The following ADGRB2 variants were observed in gnomAD, a reference collection of about 807,000 sequenced individuals.
ADGRB2 encodes the protein adhesion G protein-coupled receptor B2.
In ADGRB2, 47 loss-of-function variants were observed where a neutral mutation model predicts 178.7. The observed-to-expected ratio is 0.26, with a 90% CI of 0.21 to 0.34. The LOEUF (loss-of-function observed/expected upper bound fraction) is 0.34, where lower values mean the gene tolerates loss of function less well. Among genes scored for constraint, ADGRB2 ranks in the 10% least tolerant of loss-of-function variants. The pLI is 1.00. For synonymous variants in ADGRB2, 870 were observed against 912.4 expected, an observed-to-expected ratio of 0.95 and a Z score of 0.84; for missense variants, 1,584 against 2,180.8, an observed-to-expected ratio of 0.73 and a Z score of 5.45.
Position 31,756,883 on chromosome 1 carries a change from G to T in ADGRB2, c.22-68C>A. On this transcript the variant is annotated intron_variant, in intron 3 of 32. Transcript: ENST00000373658. This position sits in a 1 kb window ranked among gnomAD's most constrained non-coding sequence, Gnocchi z 8.5. ...GCATGGGCTCTGAACCTTCTATGGT[G>T]AGCTGCGGGAGTGGGCCTCATAAGT... 7.2e-7 allele frequency: 1 copy of T among 1,391,200 alleles called. No individual in the cohort carries two copies. Among genetic ancestry groups the T allele is most frequent in the Non-Finnish European group, 9.6e-7 (1 of 1,046,914 alleles). The allele number at this position is 1,391,200 out of a possible 1,614,324, so 86.2% of individuals were successfully genotyped here.
intron 1 of ADGRB2, 82 bp from the exon 2 acceptor site, chr1:31,757,593 T>G: frequency 3.9e-6 from 1 of 258,858 alleles, no homozygotes; most frequent in Non-Finnish European, 7.5e-6. Context: ...TGCTGGTGGG[T>G]GACCCTCATG....
chr1:31,763,329 G>A (rs575643563), intron 1 of ADGRB2, among the ~76,000 whole-genome samples: 2 of 150,622 alleles, frequency 1.3e-5, no homozygotes, highest in East Asian at 3.9e-4. Flanking sequence ...CAGAAATAGA[G>A]AAGAAGCATG....
Position 31,764,060 on chromosome 1 carries a change from CA to C in ADGRB2, c.-368del. The C allele has an allele frequency of 1.8e-5, 16 of 867,496 alleles. No homozygotes were observed. Among genetic ancestry groups the C allele is most frequent in the Non-Finnish European group, 2.2e-5 (16 of 733,534 alleles). The allele number at this position is 867,496 out of a possible 1,614,324, so 53.7% of individuals were successfully genotyped here. On this transcript the variant is annotated 5_prime_UTR_variant, in exon 1 of 33. Transcript: ENST00000373658. This position sits in a 1 kb window ranked among gnomAD's most constrained non-coding sequence, Gnocchi z 7.3. ...CGGGTGCAGAAAAGGCGCCGCGGAG[CA>C]GCGCGGGGCGGGCGGGCGGGCGGCG...
intron 4 of ADGRB2, among the ~76,000 whole-genome samples, chr1:31,751,240 G>A (rs1646554747): frequency 6.6e-6 from 1 of 152,218 alleles, no homozygotes; most frequent in Admixed American, 6.5e-5. Context: ...CCTCCTGAGA[G>A]CTTCCCCAAA....
rs545190186 is a variant in ADGRB2 at position 31,738,543 on chromosome 1, C to G, written c.2645+44G>C. On this transcript the variant is annotated intron_variant, in intron 17 of 32. Transcript: ENST00000373658. Reference sequence around the variant, plus strand: ...GGAGACCCCTTTCTGGCAAAGGGCCCTAGGGCTGCTCCCTTCCTCACCCAG... The same window carrying G: ...GGAGACCCCTTTCTGGCAAAGGGCCGTAGGGCTGCTCCCTTCCTCACCCAG... 7.6e-6 allele frequency: 12 copies of G among 1,582,884 alleles called. No individual in the cohort carries two copies. The South Asian group carries it at 1.0e-4, about 14-fold the overall frequency.
In ADGRB2 at chr1:31,756,725, T is replaced by TG; in HGVS notation, c.111dup (p.Ser38GlnfsTer36). On this transcript the variant is annotated frameshift_variant, in exon 4 of 33. Transcript: ENST00000373658. LOFTEE classifies it high-confidence loss of function. The surrounding 1 kb of genome is among the most constrained non-coding windows in gnomAD (Gnocchi z 8.5). ...CCCGAGGCCAGGGCAGAGCAGGCAC[T>TG]GGGGGCGGGGTCGAAGGCGGTGGCC... 1 of 1,590,412 alleles carries TG rather than the reference T, an allele frequency of 6.3e-7. No individual in the cohort carries two copies. Among genetic ancestry groups the TG allele is most frequent in the Non-Finnish European group, 8.6e-7 (1 of 1,169,204 alleles).
Position 31,738,264 on chromosome 1 carries a change from T to A in ADGRB2, c.2708A>T (p.His903Leu), listed in dbSNP as rs1434660933. The A allele has an allele frequency of 6.2e-7, 1 of 1,613,812 alleles. No individual in the cohort carries two copies. Residue 903 changes from histidine to leucine, a missense_variant, in exon 18 of 33, where the codon CAC (histidine) becomes CTC (leucine). Physicochemically the swap from His to Leu is moderately conservative, Grantham distance 99. Around this residue, in one of 3 missense-constraint regions of ADGRB2, gnomAD observed 865 missense variants for 1,192.8 expected, o/e 0.73. Transcript: ENST00000373658. ...CAGGTGCTGGCACTGGCAGCGGGTG[T>A]GAGCTGCCTGGGTCTCCAGGGTCTG... ...NCQTLETQAA[H>L]TRCQCQHLST...
Position 31,733,182 on chromosome 1 carries a change from C to A in ADGRB2, c.3453-39G>T, listed in dbSNP as rs377465340. The A allele has an allele frequency of 1.3e-6, 2 of 1,547,814 alleles. No homozygotes were observed. The highest frequency in any genetic ancestry group is 2.4e-5 in the South Asian group (2 of 83,782). ...GGCAGAGCCCATCAGAGTGACACTC[C>A]GGGGGACAGGATGGCTTGAGCCTAG... is the stretch of plus-strand genomic sequence containing the variant. On this transcript the variant is annotated intron_variant, in intron 25 of 32. Transcript: ENST00000373658. This position sits in a 1 kb window ranked among gnomAD's most constrained non-coding sequence, Gnocchi z 4.3.
chr1:31,736,739 A>G lies in ADGRB2; in HGVS notation c.2980-16T>C, dbSNP rs1645625742. ...TGCACACGCCCTGCAGGGAGAGGGA[A>G]TGGGAGGGAGTGGCCCTGAGCAGCC... On this transcript the variant is annotated splice_polypyrimidine_tract_variant and intron_variant, in intron 20 of 32. Coordinates refer to ENST00000373658, the MANE Select transcript of ADGRB2 (RefSeq NM_001364857.2). 1 of 1,611,488 alleles carries G rather than the reference A, an allele frequency of 6.2e-7. No homozygotes were observed. The highest frequency in any genetic ancestry group is 1.3e-5 in the African/African-American group (1 of 74,832).
In ADGRB2 at chr1:31,744,241, C is replaced by G; in HGVS notation, c.1039G>C (p.Gly347Arg). The G allele has an allele frequency of 6.5e-7, 1 of 1,548,902 alleles. No individual in the cohort carries two copies. The highest frequency in any genetic ancestry group is 8.7e-7 in the Non-Finnish European group (1 of 1,145,540). The part of the protein sequence containing the change: ...VSSPYGTLCS[G>R]PLRETRPCNN... ...CAGGGCCTGGTCTCCCGCAGGGGCCCGCTGCACAGGGTCCCATAGGGGGAG... is the reference window on the plus strand; with the variant it reads ...CAGGGCCTGGTCTCCCGCAGGGGCCGGCTGCACAGGGTCCCATAGGGGGAG... Residue 347 changes from glycine (G) to arginine (R), a missense_variant, in exon 6 of 33, where the codon GGG becomes CGG. By Grantham distance (125) the Gly-to-Arg change is moderately radical (BLOSUM62 -2). This residue lies in a region of ADGRB2 where 657 missense variants were observed against 847.6 expected (regional missense o/e 0.78). Transcript: ENST00000373658. This position sits in a 1 kb window ranked among gnomAD's most constrained non-coding sequence, Gnocchi z 6.7.
At chr1:31,747,899 C>T (rs1646358786) in intron 4 of ADGRB2, among the ~76,000 whole-genome samples, 1 of 152,246 alleles carries the variant, frequency 6.6e-6, no homozygotes, top group East Asian at 1.9e-4. Context: ...ACCACTAAGA[C>T]AGGCTCAAAG....
Position 31,741,137 on chromosome 1 carries a change from G to A in ADGRB2, c.1794+236C>T, listed in dbSNP as rs1396186160. On this transcript the variant is annotated intron_variant, in intron 11 of 32. Transcript: ENST00000373658. This position sits in a 1 kb window ranked among gnomAD's most constrained non-coding sequence, Gnocchi z 6.5. ...ACACTTGGATGAGCACCTAATGACTGAGGAGCTCATTCTGCAGGAGCGCAG... is the reference window on the plus strand; with the variant it reads ...ACACTTGGATGAGCACCTAATGACTAAGGAGCTCATTCTGCAGGAGCGCAG... Among the ~76,000 whole-genome samples the A allele has an allele frequency of 6.6e-6, 1 of 152,170 alleles. No homozygotes were observed. Among genetic ancestry groups the A allele is most frequent in the Non-Finnish European group, 1.5e-5 (1 of 68,028 alleles).
chr1:31,740,189 A>G lies in ADGRB2; in HGVS notation c.1990-11T>C. On this transcript the variant is annotated splice_polypyrimidine_tract_variant and intron_variant, in intron 12 of 32. Coordinates refer to ENST00000373658, the MANE Select transcript of ADGRB2 (RefSeq NM_001364857.2). This position sits in a 1 kb window ranked among gnomAD's most constrained non-coding sequence, Gnocchi z 5.9. The stretch of plus-strand genomic sequence containing the variant: ...CACCTGGAAGAAGCGCTGAGGAGAG[A>G]GCAATGAGTGGCAGGGGGTCCTAGC... 1 of 1,614,002 alleles carries G rather than the reference A, an allele frequency of 6.2e-7. No individual in the cohort carries two copies. Among genetic ancestry groups the G allele is most frequent in the Non-Finnish European group, 8.5e-7 (1 of 1,179,984 alleles).
At position 31,740,647 on chromosome 1, in the gene ADGRB2, A is replaced by G; in HGVS notation, c.1795-106T>C. On this transcript the variant is annotated intron_variant, in intron 11 of 32. Transcript: ENST00000373658. This position sits in a 1 kb window ranked among gnomAD's most constrained non-coding sequence, Gnocchi z 5.9. ...CACTGCTTGCATCCACGGGGAGAGA[A>G]AGGGGGAAAAGGTCAGAGAGGCTCA... 2 of 1,242,134 alleles carry G rather than the reference A, an allele frequency of 1.6e-6. No individual in the cohort carries two copies. The highest frequency in any genetic ancestry group is 5.7e-4 in the Middle Eastern group (2 of 3,526). 76.9% of individuals were successfully genotyped at this position (1,242,134 alleles called of 1,614,324 possible). A position where few individuals can be genotyped will look rare whatever the true frequency, so the allele number is the denominator to read the frequency against.
Position 31,737,634 on chromosome 1 carries a change from GCC to G in ADGRB2, c.2876+16_2876+17del. ...TGCCCCCCCTCCCCCAGCCACAAGA[GCC>G]AGGTGTCAGACCTACCTCCAAAAGG... On this transcript the variant is annotated intron_variant, in intron 19 of 32. Transcript: ENST00000373658. 6.2e-7 allele frequency: 1 copy of G among 1,613,350 alleles called. No homozygotes were observed. Among genetic ancestry groups the G allele is most frequent in the Non-Finnish European group, 8.5e-7 (1 of 1,179,448 alleles).
chr1:31,728,265 G>A lies in ADGRB2; in HGVS notation c.4432C>T (p.Arg1478Trp), dbSNP rs201415816. Residue 1478 changes from arginine to tryptophan, a missense_variant, in exon 31 of 33, where the codon CGG (arginine) becomes TGG (tryptophan). By Grantham distance (101) the Arg-to-Trp change is moderately radical. Around this residue, in one of 3 missense-constraint regions of ADGRB2, gnomAD observed 865 missense variants for 1,192.8 expected, o/e 0.73. Coordinates refer to ENST00000373658, the MANE Select transcript of ADGRB2 (RefSeq NM_001364857.2). The surrounding 1 kb of genome is among the most constrained non-coding windows in gnomAD (Gnocchi z 6.7). ...TGGTAGAGTTCTGAATGCCGTTTCC[G>A]GGTGTGCATCACCTTCTAGGGGCCA... is the stretch of plus-strand genomic sequence containing the variant. ...DLDFEKVMHT[R>W]KRHSELYHEL... 7.1e-5 allele frequency: 115 copies of A among 1,613,846 alleles called. No homozygotes were observed. Among genetic ancestry groups the A allele is most frequent in the Non-Finnish European group, 7.9e-5 (93 of 1,180,000 alleles).
At chr1:31,746,574 C>T (rs1646284929) in intron 4 of ADGRB2, among the ~76,000 whole-genome samples, 1 of 152,176 alleles carries the variant, frequency 6.6e-6, no homozygotes, top group African/African-American at 2.4e-5. Context: ...TCTCAGTGGC[C>T]CTTCTTGGCT....
chr1:31,739,942 A>G lies in ADGRB2; in HGVS notation c.2151T>C (p.Ile717=). The G allele has an allele frequency of 6.2e-7, 1 of 1,614,076 alleles. No individual in the cohort carries two copies. Among genetic ancestry groups the G allele is most frequent in the Non-Finnish European group, 8.5e-7 (1 of 1,179,956 alleles). The part of the protein sequence containing the change: ...DALKAFQSSL[I]VTDNLVISIQ... Reference sequence around the variant, plus strand: ...TCCTTCTACCTAGATTATCTGTGACAATCAGAGAGCTCTGGAAGGCCTTGA... The same window carrying G: ...TCCTTCTACCTAGATTATCTGTGACGATCAGAGAGCTCTGGAAGGCCTTGA... The change falls in exon 14 of 33, where the codon ATT becomes ATC. Residue 717 remains isoleucine (I), a synonymous_variant. Transcript: ENST00000373658.
Position 31,740,300 on chromosome 1 carries a change from A to G in ADGRB2, c.1989+47T>C, listed in dbSNP as rs200509305. ...GCCTAGGGGCCTGGCCTCCCGCTTCAGTTTGGGCCTTCTCCACCCTCCGCC... is the reference window on the plus strand; with the variant it reads ...GCCTAGGGGCCTGGCCTCCCGCTTCGGTTTGGGCCTTCTCCACCCTCCGCC... On this transcript the variant is annotated intron_variant, in intron 12 of 32. Coordinates refer to ENST00000373658, the MANE Select transcript of ADGRB2 (RefSeq NM_001364857.2). This position sits in a 1 kb window ranked among gnomAD's most constrained non-coding sequence, Gnocchi z 5.9. 1.6e-3 allele frequency: 2,562 copies of G among 1,605,008 alleles called. 5 individuals carry two copies. Among genetic ancestry groups the G allele is most frequent in the Non-Finnish European group, 2.0e-3 (2,320 of 1,173,772 alleles).
Sources: allele counts gnomAD v4.1 joint callset (sites outside exome capture counted in the v4.1 genomes callset), GRCh38; gene constraint gnomAD v4.1.1; regional missense constraint gnomAD v4.1.1; non-coding constraint Gnocchi (gnomAD v3.1); transcripts MANE v1.5; gene names NCBI Gene and HGNC (gene_info 2026-07-23, HGNC 2026-07-21).